The following NDST3 variants were observed in gnomAD, a reference collection of about 807,000 sequenced individuals.
NDST3 encodes the protein N-deacetylase and N-sulfotransferase 3, also known as bifunctional heparan sulfate N-deacetylase/N-sulfotransferase 3.
NDST3 carries 58 observed loss-of-function variants against 96.1 expected under a neutral mutation model. That is an observed-to-expected ratio of 0.60 (90% confidence interval 0.49 to 0.75). The LOEUF (loss-of-function observed/expected upper bound fraction) is 0.75, where lower values mean the gene tolerates loss of function less well. Among genes scored for constraint, NDST3 ranks in the 30% least tolerant of loss-of-function variants. The pLI is 0.00. For synonymous variants in NDST3, 333 were observed against 359.7 expected, an observed-to-expected ratio of 0.93 and a Z score of 0.84; for missense variants, 788 against 1,034.2, an observed-to-expected ratio of 0.76 and a Z score of 3.27.
chr4:118,059,755 C>A (rs1333399400), intron 2 of NDST3, among the ~76,000 whole-genome samples: 2 of 152,062 alleles, frequency 1.3e-5, no homozygotes, highest in Non-Finnish European at 2.9e-5. Flanking sequence ...GTCATAAGTA[C>A]ACATAAAAGG....
At chr4:118,226,860 C>T (rs1739914527) in intron 7 of NDST3, 26 bp from the exon 8 acceptor site, 3 of 1,523,720 alleles carry the variant, frequency 2.0e-6, no homozygotes, top group East Asian at 2.3e-5. Context: ...AAAAAAAATA[C>T]ATCTCTATGT....
At chr4:118,221,410 A>C (rs1000546685) in intron 6 of NDST3, among the ~76,000 whole-genome samples, 12 of 152,172 alleles carry the variant, frequency 7.9e-5, no homozygotes, top group Non-Finnish European at 1.5e-5. Flanking sequence ...ATAATAAATA[A>C]CATACTTTTT....
intron 6 of NDST3, among the ~76,000 whole-genome samples, chr4:118,207,146 TAC>T (rs67300451): frequency 0.043 from 5,507 of 128,720 alleles, 554 homozygotes; most frequent in African/African-American, 0.1. Flanking sequence ...TCTGGAAGAA[TAC>T]ACACACACAC....
chr4:118,210,197 T>C (rs139264923), intron 6 of NDST3, among the ~76,000 whole-genome samples: 12 of 152,184 alleles, frequency 7.9e-5, no homozygotes, highest in African/African-American at 2.2e-4. Context: ...AGAGGGGTCA[T>C]TGCCTGCTCT....
At chr4:118,198,855 C>T (rs951367918) in intron 6 of NDST3, among the ~76,000 whole-genome samples, 3 of 152,022 alleles carry the variant, frequency 2.0e-5, no homozygotes, top group Non-Finnish European at 2.9e-5. Context: ...GTTCTCTTCC[C>T]TTCAGCACTT....
At chr4:118,210,774 C>CA (rs34418586) in intron 6 of NDST3, among the ~76,000 whole-genome samples, 9,128 of 86,300 alleles carry the variant, frequency 0.11, 478 homozygotes, top group Non-Finnish European at 0.14. Context: ...GACTCCATCT[C>CA]AAAAAAAAAA....
chr4:118,065,263 T>C (rs1238432500), intron 2 of NDST3, among the ~76,000 whole-genome samples: 1 of 152,144 alleles, frequency 6.6e-6, no homozygotes, highest in Non-Finnish European at 1.5e-5. Flanking sequence ...CTACTACTGT[T>C]TTCCTCACTG....
In NDST3 at chr4:118,054,146, C is replaced by A. The variant is rs369765753; in HGVS notation, c.236C>A (p.Thr79Lys). The A allele has an allele frequency of 1.2e-6, 2 of 1,612,980 alleles. No homozygotes were observed. ...TTTGATGCCTCAAGGACAGACCCCA[C>A]AGTCCTAGTATTTGTAGAGAGCCAG... The part of the protein sequence containing the change: ...KLFDASRTDP[T>K]VLVFVESQYS... Residue 79 changes from threonine to lysine, a missense_variant, in exon 2 of 14, where the codon ACA becomes AAA. By Grantham distance (78) the Thr-to-Lys change is moderately conservative. Transcript: ENST00000296499.
chr4:118,167,574 T>C (rs1035707427), intron 6 of NDST3, among the ~76,000 whole-genome samples: 1 of 151,844 alleles, frequency 6.6e-6, no homozygotes, highest in African/African-American at 2.4e-5. Flanking sequence ...AAAATTCACA[T>C]GGAACCACAA....
At chr4:118,181,510 A>G (rs965304161) in intron 6 of NDST3, among the ~76,000 whole-genome samples, 1 of 152,180 alleles carries the variant, frequency 6.6e-6, no homozygotes, top group Non-Finnish European at 1.5e-5. Context: ...TGAGTTTGAG[A>G]AGCTTCAATT....
At chr4:118,128,626 C>T (rs540471454) in intron 4 of NDST3, among the ~76,000 whole-genome samples, 8 of 151,988 alleles carry the variant, frequency 5.3e-5, no homozygotes, top group South Asian at 2.1e-4. Context: ...GGATTCATCA[C>T]AGATGTTGGC....
intron 2 of NDST3, among the ~76,000 whole-genome samples, chr4:118,090,253 C>T (rs1728757163): frequency 6.6e-6 from 1 of 151,896 alleles, no homozygotes; most frequent in South Asian, 2.1e-4. Flanking sequence ...ACTTTTTTCA[C>T]AAAGAGGTGA....
At chr4:118,155,915 G>C (rs562440399) in intron 6 of NDST3, among the ~76,000 whole-genome samples, 1 of 152,058 alleles carries the variant, frequency 6.6e-6, no homozygotes, top group South Asian at 2.1e-4. Flanking sequence ...TATTAAGTTG[G>C]AGAAATGAAT....
intron 6 of NDST3, among the ~76,000 whole-genome samples, chr4:118,149,943 T>G (rs1181110846): frequency 9.4e-5 from 14 of 148,788 alleles, no homozygotes; most frequent in Admixed American, 9.4e-4. Flanking sequence ...AATACCTAAT[T>G]TATTGAGAGT....
At chr4:118,141,247 T>A (rs1329512658) in intron 5 of NDST3, among the ~76,000 whole-genome samples, 1 of 152,162 alleles carries the variant, frequency 6.6e-6, no homozygotes, top group African/African-American at 2.4e-5. Flanking sequence ...CAGAACCAAT[T>A]CTAGGGGGCA....
chr4:118,078,103 C>T (rs960683554), intron 2 of NDST3, among the ~76,000 whole-genome samples: 7 of 152,106 alleles, frequency 4.6e-5, no homozygotes, highest in African/African-American at 1.2e-4. Flanking sequence ...GCACAGGACC[C>T]CACGGGGCTC....
intron 6 of NDST3, among the ~76,000 whole-genome samples, chr4:118,154,970 T>C (rs1260623039): frequency 2.6e-5 from 4 of 152,208 alleles, no homozygotes. Context: ...AAAATAGTGC[T>C]TTTGAGAAAA....
intron 12 of NDST3, among the ~76,000 whole-genome samples, chr4:118,249,731 T>TACACACATACACAC: frequency 6.9e-6 from 1 of 145,602 alleles, no homozygotes; most frequent in Non-Finnish European, 1.5e-5. Flanking sequence ...CAGCCCCACA[T>TACACACATACACAC]ACACACACAC....
chr4:118,110,175 T>A (rs1196726864), intron 3 of NDST3, among the ~76,000 whole-genome samples: 1 of 152,214 alleles, frequency 6.6e-6, no homozygotes, highest in Non-Finnish European at 1.5e-5. Context: ...GTTAGCTTTT[T>A]ATGTTTCCCC....
Sources: allele counts gnomAD v4.1 joint callset (sites outside exome capture counted in the v4.1 genomes callset), GRCh38; gene constraint gnomAD v4.1.1; transcripts MANE v1.5; gene names NCBI Gene and HGNC (gene_info 2026-07-23, HGNC 2026-07-21).